Variants in CDC5L observed in about 807,000 individuals in gnomAD.
CDC5L encodes the protein cell division cycle 5-like protein.
CDC5L carries 18 observed loss-of-function variants against 104.1 expected under a neutral mutation model. The ratio of observed to expected loss-of-function variants is 0.17; its 90% CI spans 0.12 to 0.26. CDC5L has a LOEUF of 0.26. Ranked by LOEUF, CDC5L falls within the 10% of genes least tolerant of loss-of-function variation. The probability of loss-of-function intolerance (pLI) is 1.00; values close to 1 mark genes in which losing one functional copy is unlikely to be tolerated. For missense variants in CDC5L, 673 were observed against 956.9 expected (o/e 0.70, Z 3.91); for synonymous variants, 331 against 322.7 (o/e 1.03, Z -0.28).
Position 44,413,774 on chromosome 6 carries a change from G to A in CDC5L, c.1092+5142G>A, listed in dbSNP as rs1791772115. On this transcript the variant is annotated intron_variant, in intron 8 of 15. Transcript: ENST00000371477. ...AATTTTCTAATTTTTTGTAGAGATG[G>A]GGGTCTCACTGTGTCGCCCAGGCTG... Among the ~76,000 whole-genome samples the A allele has an allele frequency of 4.6e-5, 7 of 152,074 alleles. 1 individual carries two copies. In the South Asian group the frequency reaches 1.5e-3, roughly 32 times the overall value.
At chr6:44,433,120 T>G (rs1427625277) in intron 14 of CDC5L, among the ~76,000 whole-genome samples, 3 of 152,218 alleles carry the variant, frequency 2.0e-5, no homozygotes, top group Non-Finnish European at 4.4e-5. Context: ...TCACAAATGG[T>G]TAAAAATAAA....
chr6:44,392,444 CT>C (rs1384702607), intron 2 of CDC5L, among the ~76,000 whole-genome samples: 2 of 152,038 alleles, frequency 1.3e-5, no homozygotes, highest in African/African-American at 4.8e-5. Flanking sequence ...GTGAAGTAAC[CT>C]TTTTTAACCA....
rs570410495 is a variant in CDC5L, at chr6:44,405,680, C to T, written c.759-643C>T. Among the ~76,000 whole-genome samples the T allele has an allele frequency of 2.6e-5, 4 of 152,082 alleles. 1 individual carries two copies. The highest frequency in any genetic ancestry group is 4.2e-4 in the South Asian group (2 of 4,802). On this transcript the variant is annotated intron_variant, in intron 6 of 15. Transcript: ENST00000371477. ...TGTCATACTTTTTCCTATGTGCACA[C>T]GTTTTTATTGAATGTATTCATAATA...
At chr6:44,413,230 T>C (rs1196364675) in intron 8 of CDC5L, among the ~76,000 whole-genome samples, 1 of 152,246 alleles carries the variant, frequency 6.6e-6, no homozygotes, top group African/African-American at 2.4e-5. Context: ...TATATGTAAA[T>C]GAAATCATAT....
At chr6:44,427,567 C>A (rs1269988542) in intron 13 of CDC5L, among the ~76,000 whole-genome samples, 2 of 152,180 alleles carry the variant, frequency 1.3e-5, no homozygotes, top group East Asian at 3.9e-4. Context: ...TTCTTTATTG[C>A]ATAAGTAATA....
intron 15 of CDC5L, 126 bp downstream of exon 15, chr6:44,445,993 G>A (rs1466527106): frequency 2.7e-6 from 2 of 734,990 alleles, no homozygotes; most frequent in Non-Finnish European, 4.5e-6. Context: ...AAAAATGAGA[G>A]CCTAAAGTGT....
rs1470457497 is a variant in CDC5L at position 44,433,964 on chromosome 6, A to G, written c.2091+4054A>G. ...AGAGTGCTATATGTTGTCAGATATC[A>G]GCAGGTTTATGCTTATGTTGCCTTG... On this transcript the variant is annotated intron_variant, in intron 14 of 15. Coordinates refer to ENST00000371477, the MANE Select transcript of CDC5L (RefSeq NM_001253.4). Among the ~76,000 whole-genome samples, 3 of 152,220 alleles carry G rather than the reference A, an allele frequency of 2.0e-5. No individual in the cohort carries two copies. In the East Asian group the frequency reaches 5.8e-4, roughly 29 times the overall value.
intron 11 of CDC5L, among the ~76,000 whole-genome samples, chr6:44,424,976 G>A (rs1165996730): frequency 6.6e-6 from 1 of 152,112 alleles, no homozygotes; most frequent in East Asian, 1.9e-4. Flanking sequence ...CTGCTCGAGA[G>A]GCTGAGGTGG....
intron 5 of CDC5L, 144 bp downstream of exon 5, chr6:44,396,584 C>T (rs1790880897): frequency 1.7e-6 from 1 of 581,270 alleles, no homozygotes; most frequent in African/African-American, 1.9e-5. Flanking sequence ...CAGTGGATAG[C>T]TGGGTGTCCT....
chr6:44,397,227 A>C lies in CDC5L; in HGVS notation c.539+787A>C, dbSNP rs528954766. Among the ~76,000 whole-genome samples, 4 of 152,348 alleles carry C rather than the reference A, an allele frequency of 2.6e-5. No homozygotes were observed. The South Asian group carries it at 8.3e-4, about 32-fold the overall frequency. On this transcript the variant is annotated intron_variant, in intron 5 of 15. Coordinates refer to ENST00000371477, the MANE Select transcript of CDC5L (RefSeq NM_001253.4). ...ATGCAGAAAGACACTTTTCACTTGG[A>C]AGAGTCCCAGGATTTTAGGAGTTGC... is the stretch of plus-strand genomic sequence containing the variant.
chr6:44,412,715 T>G (rs1353581917), intron 8 of CDC5L, among the ~76,000 whole-genome samples: 1 of 151,938 alleles, frequency 6.6e-6, no homozygotes, highest in Non-Finnish European at 1.5e-5. Flanking sequence ...TCTTACAGAA[T>G]TCACCCATTT....
intron 8 of CDC5L, among the ~76,000 whole-genome samples, chr6:44,412,823 C>T (rs1312013421): frequency 2.9e-5 from 4 of 136,508 alleles, no homozygotes; most frequent in Non-Finnish European, 6.2e-5. Flanking sequence ...CGCTCTGTCG[C>T]CCAGGCTGGA....
rs143227581 is a variant in CDC5L at position 44,442,459 on chromosome 6, CTT to C, written c.2092-3195_2092-3194del. Among the ~76,000 whole-genome samples the C allele has an allele frequency of 6.3e-3, 944 of 150,676 alleles. 9 individuals carry two copies. Among genetic ancestry groups the C allele is most frequent in the African/African-American group, 0.022 (890 of 40,870 alleles). On this transcript the variant is annotated intron_variant, in intron 14 of 15. Coordinates refer to ENST00000371477, the MANE Select transcript of CDC5L (RefSeq NM_001253.4). ...TGCTTTGGATTTTATCTTTTTATCT[CTT>C]GTCTGTCTGTTACAGACTTTTGCTT...
At position 44,393,535 on chromosome 6, in the gene CDC5L, C is replaced by T. The variant is rs754234475; in HGVS notation, c.401C>T (p.Thr134Ile). ...KPGEIDPNPE[T>I]KPARPDPIDM... is the part of the protein sequence containing the mutation. ...GGAGAAATAGATCCAAATCCAGAAA[C>T]AAAACCAGCGCGGCCTGATCCAATT... is the stretch of plus-strand genomic sequence containing the variant. Residue 134 changes from threonine to isoleucine, a missense_variant, in exon 4 of 16, where the codon ACA (threonine) becomes ATA (isoleucine). This residue lies in a region of CDC5L where 74 missense variants were observed against 123.5 expected (regional missense o/e 0.60). Coordinates refer to ENST00000371477, the MANE Select transcript of CDC5L (RefSeq NM_001253.4). 12 of 1,613,994 alleles carry T rather than the reference C, an allele frequency of 7.4e-6. No individual in the cohort carries two copies. The highest frequency in any genetic ancestry group is 1.0e-5 in the Non-Finnish European group (12 of 1,179,932).
At chr6:44,422,119 A>G (rs1383134040) in intron 9 of CDC5L, among the ~76,000 whole-genome samples, 1 of 152,210 alleles carries the variant, frequency 6.6e-6, no homozygotes, top group Non-Finnish European at 1.5e-5. Context: ...CTCACTCAGG[A>G]ACTTACTCAT....
intron 1 of CDC5L, among the ~76,000 whole-genome samples, chr6:44,389,746 A>C (rs1790508162): frequency 6.6e-6 from 1 of 152,124 alleles, no homozygotes; most frequent in South Asian, 2.1e-4. Context: ...CTTGGATTGG[A>C]GAATATATTC....
intron 14 of CDC5L, among the ~76,000 whole-genome samples, chr6:44,435,024 G>C (rs965622993): frequency 2.6e-5 from 4 of 151,814 alleles, no homozygotes; most frequent in African/African-American, 9.7e-5. Flanking sequence ...CATAAGAAAA[G>C]GAACCTACTA....
intron 1 of CDC5L, 73 bp downstream of exon 1, chr6:44,387,941 G>T: frequency 7.0e-7 from 1 of 1,431,310 alleles, no homozygotes; most frequent in South Asian, 1.3e-5. Flanking sequence ...CGCGGAGGTC[G>T]GGGGGGCGAC....
At chr6:44,413,318 A>G (rs1791742373) in intron 8 of CDC5L, among the ~76,000 whole-genome samples, 1 of 152,184 alleles carries the variant, frequency 6.6e-6, no homozygotes, top group African/African-American at 2.4e-5. Flanking sequence ...AGCTTTTATC[A>G]GTACTTTATT....
Sources: allele counts gnomAD v4.1 joint callset (sites outside exome capture counted in the v4.1 genomes callset), GRCh38; gene constraint gnomAD v4.1.1; regional missense constraint gnomAD v4.1.1; transcripts MANE v1.5; gene names NCBI Gene and HGNC (gene_info 2026-07-23, HGNC 2026-07-21).